Variants in FASN observed in about 807,000 individuals in gnomAD.
The protein encoded by FASN is 3-hydroxyacyl-[acyl-carrier-protein] dehydratase.
A neutral mutation model predicts 250.0 loss-of-function variants in FASN; 50 were observed. That is an observed-to-expected ratio of 0.20 (90% CI 0.16 to 0.25). FASN has a LOEUF of 0.25. Ranked by LOEUF, FASN falls within the 10% of genes least tolerant of loss-of-function variation. FASN has a pLI of 1.00. For missense variants in FASN, 3,031 were observed against 3,498.5 expected (o/e 0.87, Z 3.37); for synonymous variants, 1,909 against 1,584.0 (o/e 1.21, Z -4.87).
chr17:82,086,941 C>A, intron 21 of FASN, 109 bp downstream of exon 21: 1 of 1,268,902 alleles, frequency 7.9e-7, no homozygotes. Context: ...GCTAGGGTTG[C>A]TGACCCCAAA....
intron 3 of FASN, among the ~76,000 whole-genome samples, chr17:82,094,560 A>G (rs1266489254): frequency 6.6e-6 from 1 of 151,868 alleles, no homozygotes; most frequent in Non-Finnish European, 1.5e-5. Flanking sequence ...GGAAGCTGAG[A>G]TGGATGGATC....
At chr17:82,089,842 C>G (rs751771008) in intron 11 of FASN, 116 bp from the exon 12 acceptor site, 1 of 899,646 alleles carries the variant, frequency 1.1e-6, no homozygotes, top group Middle Eastern at 2.1e-4. Context: ...GTAATGGCAG[C>G]CTTGGAGCCT....
At chr17:82,095,546 C>T in intron 2 of FASN, 74 bp from the exon 3 acceptor site, 13 of 1,568,600 alleles carry the variant, frequency 8.3e-6, no homozygotes, top group Non-Finnish European at 1.0e-5. Flanking sequence ...GTGCTGCAGG[C>T]CCCTGGAGGG....
rs763962178 is a variant in FASN at position 82,080,855 on chromosome 17, G to A, written c.6663C>T (p.Ser2221=). ...TGGGGCCCTCCGGGTTCACCAGCAGGGAGCGCAGGTTCAGCTGAGTCTGCT... is the reference window on the plus strand; with the variant it reads ...TGGGGCCCTCCGGGTTCACCAGCAGAGAGCGCAGGTTCAGCTGAGTCTGCT... ...AQQQTQLNLR[S]LLVNPEGPTL... Residue 2221 remains serine (S), a synonymous_variant, in exon 39 of 43, where the codon TCC becomes TCT. Coordinates refer to ENST00000306749, the MANE Select transcript of FASN (RefSeq NM_004104.5). 1 of 1,611,606 alleles carries A rather than the reference G, an allele frequency of 6.2e-7. No homozygotes were observed. Among genetic ancestry groups the A allele is most frequent in the Non-Finnish European group, 8.5e-7 (1 of 1,179,630 alleles).
Position 82,090,338 on chromosome 17 carries a change from T to C in FASN, c.1870+37A>G, listed in dbSNP as rs1220490990. ...CCCCACAGCGAGAAGGCAGCCTCCTTTCTTGGAGGTGCTGGGGGCCCCTCC... is the reference window on the plus strand; with the variant it reads ...CCCCACAGCGAGAAGGCAGCCTCCTCTCTTGGAGGTGCTGGGGGCCCCTCC... On this transcript the variant is annotated intron_variant, in intron 11 of 42. Coordinates refer to ENST00000306749, the MANE Select transcript of FASN (RefSeq NM_004104.5). 1.9e-6 allele frequency: 3 copies of C among 1,548,492 alleles called. No individual in the cohort carries two copies. In the Admixed American group the frequency reaches 5.8e-5, roughly 30 times the overall value.
intron 8 of FASN, 107 bp downstream of exon 8, chr17:82,092,348 A>T (rs2034226264): frequency 8.2e-7 from 1 of 1,212,842 alleles, no homozygotes; most frequent in South Asian, 1.3e-5. Context: ...CTGGTGGGGA[A>T]GCCCCCGCCT....
At chr17:82,086,128 A>G in intron 22 of FASN, 126 bp downstream of exon 22, 4 of 1,483,136 alleles carry the variant, frequency 2.7e-6, no homozygotes, top group South Asian at 1.2e-5. Context: ...AGAACCACAC[A>G]GGGAACTGGC....
In FASN at chr17:82,085,422, C is replaced by T. The variant is rs781156525; in HGVS notation, c.4123-20G>A. 1.2e-6 allele frequency: 2 copies of T among 1,605,422 alleles called. No homozygotes were observed. The highest frequency in any genetic ancestry group is 1.7e-6 in the Non-Finnish European group (2 of 1,176,972). On this transcript the variant is annotated intron_variant, in intron 23 of 42. Coordinates refer to ENST00000306749, the MANE Select transcript of FASN (RefSeq NM_004104.5). The stretch of plus-strand genomic sequence containing the variant: ...CGCGTCCTGTGGGGGCGGTGGTCAG[C>T]ACCCTGCCCGCCTGGCCCTCACCCG...
rs769363187 is a variant in FASN, at chr17:82,087,002, GCTC to G, written c.3427+45_3427+47del. On this transcript the variant is annotated intron_variant, in intron 21 of 42. Coordinates refer to ENST00000306749, the MANE Select transcript of FASN (RefSeq NM_004104.5). ...GGGGTCAACGTGAGGGGAGGCGATC[GCTC>G]CTCATCGCCAGAGGTGTCCGAAGCC... The G allele has an allele frequency of 5.7e-6, 9 of 1,587,670 alleles. No individual in the cohort carries two copies. In the East Asian group the frequency reaches 6.7e-5, roughly 12 times the overall value.
At position 82,080,696 on chromosome 17, in the gene FASN, G is replaced by C; in HGVS notation, c.6822C>G (p.Thr2274=). 2 of 1,588,816 alleles carry C rather than the reference G, an allele frequency of 1.3e-6. No individual in the cohort carries two copies. The highest frequency in any genetic ancestry group is 1.7e-6 in the Non-Finnish European group (2 of 1,168,648). Residue 2274 remains threonine, a synonymous_variant, in exon 39 of 43, where the codon ACC becomes ACG. Transcript: ENST00000306749. ...CAGAGGAGGGCCCGGGAGTACCTCGGGTGCACTGCAGGCCATAGGTGGGGA... is the reference window on the plus strand; with the variant it reads ...CAGAGGAGGGCCCGGGAGTACCTCGCGTGCACTGCAGGCCATAGGTGGGGA... ...LSIPTYGLQC[T]RAAPLDSIHS...
rs1274776528 is a variant in FASN, at chr17:82,082,378, C to T, written c.5956G>A (p.Glu1986Lys). 1 of 1,612,892 alleles carries T rather than the reference C, an allele frequency of 6.2e-7. No individual in the cohort carries two copies. The highest frequency in any genetic ancestry group is 1.7e-5 in the Admixed American group (1 of 60,024). The change falls in exon 35 of 43, where the codon GAG becomes AAG. Residue 1986 changes from glutamate (E) to lysine (K), a missense_variant. Transcript: ENST00000306749. ...RDGLLENQTP[E>K]FFQDVCKPKY... ...GGCTTGCAGACGTCCTGGAAGAACT[C>T]TGGGGTCTGGTTCTCCAGCAAGCCA...
Position 82,096,318 on chromosome 17 carries a change from C to T in FASN, c.127+1G>A. On this transcript the variant is annotated splice_donor_variant, in intron 2 of 42. Coordinates refer to ENST00000306749, the MANE Select transcript of FASN (RefSeq NM_004104.5). LOFTEE classifies it high-confidence loss of function. ...GCACGGGGAGCCCCGCAGCCACATA[C>T]CCGCCTTCCAGCGACGGTCATCGTC... The T allele has an allele frequency of 6.2e-7, 1 of 1,612,412 alleles. No homozygotes were observed. The highest frequency in any genetic ancestry group is 8.5e-7 in the Non-Finnish European group (1 of 1,179,972).
In FASN at chr17:82,086,495, A is replaced by G. The variant is rs747046234; in HGVS notation, c.3491T>C (p.Leu1164Pro). The G allele has an allele frequency of 6.2e-7, 1 of 1,612,546 alleles. No individual in the cohort carries two copies. The highest frequency in any genetic ancestry group is 8.5e-7 in the Non-Finnish European group (1 of 1,179,982). Residue 1164 changes from leucine (L) to proline (P), a missense_variant, in exon 22 of 43, where the codon CTG becomes CCG. Physicochemically the swap from Leu to Pro is moderately conservative, Grantham distance 98. Transcript: ENST00000306749. ...GTCCCGGGGGATCTGGGCCCCATCC[A>G]GTCCGGGCACCACCATCTTCAGCCC... ...QQGLKMVVPGLDGAQIPRDPS... is the reference protein window; with the variant it reads ...QQGLKMVVPGPDGAQIPRDPS...
At chr17:82,097,194 G>A (rs1287164691) in intron 1 of FASN, 1 of 154,166 alleles carries the variant, frequency 6.5e-6, no homozygotes. Flanking sequence ...AGGACACGCA[G>A]GTGTTGCCTG....
At position 82,079,353 on chromosome 17, in the gene FASN, G is replaced by C. The variant is rs369516022; in HGVS notation, c.7398+4C>G. 6.6e-5 allele frequency: 107 copies of C among 1,612,874 alleles called. No homozygotes were observed. Among genetic ancestry groups the C allele is most frequent in the Admixed American group, 8.3e-5 (5 of 60,006 alleles). Reference sequence around the variant, plus strand: ...TCCCCGTTCCCGTCAGGCCCCTTGCGCACCTGGGAGAGGTTGTAGTCCGCG... The same window carrying C: ...TCCCCGTTCCCGTCAGGCCCCTTGCCCACCTGGGAGAGGTTGTAGTCCGCG... On this transcript the variant is annotated splice_donor_region_variant and intron_variant, in intron 42 of 42. Transcript: ENST00000306749.
chr17:82,079,647 A>C (rs1267700809), intron 41 of FASN, 39 bp from the exon 42 acceptor site: 1 of 1,595,188 alleles, frequency 6.3e-7, no homozygotes, highest in East Asian at 2.2e-5. Context: ...GGCAGCACCC[A>C]CAGCACCGGC....
In FASN at chr17:82,091,336, C is replaced by G; in HGVS notation, c.1378G>C (p.Val460Leu). Residue 460 changes from valine to leucine, a missense_variant, in exon 9 of 43, where the codon GTC becomes CTC. Coordinates refer to ENST00000306749, the MANE Select transcript of FASN (RefSeq NM_004104.5). ...CGGAAGGGCATGGCGGTGGCGGGGA[C>G]AGCCGCGATGTCGTTCAGCATGCTC... ...FLSMLNDIAA[V>L]PATAMPFRGY... 1 of 1,610,190 alleles carries G rather than the reference C, an allele frequency of 6.2e-7. No individual in the cohort carries two copies. Among genetic ancestry groups the G allele is most frequent in the Non-Finnish European group, 8.5e-7 (1 of 1,178,844 alleles).
intron 2 of FASN, among the ~76,000 whole-genome samples, chr17:82,095,773 G>A (rs534582645): frequency 6.6e-5 from 10 of 152,304 alleles, no homozygotes; most frequent in African/African-American, 2.4e-4. Flanking sequence ...CTGGTGCCTC[G>A]GCTCTACCAT....
chr17:82,085,906 C>T (rs1672338822), intron 22 of FASN, 35 bp from the exon 23 acceptor site: 2 of 1,497,356 alleles, frequency 1.3e-6, no homozygotes, highest in Non-Finnish European at 8.9e-7. Context: ...AGCCCCACAC[C>T]AGGCAGGTGC....
Sources: allele counts gnomAD v4.1 joint callset (sites outside exome capture counted in the v4.1 genomes callset), GRCh38; gene constraint gnomAD v4.1.1; transcripts MANE v1.5; gene names NCBI Gene and HGNC (gene_info 2026-07-23, HGNC 2026-07-21).